The following NOVA2 variants were observed in gnomAD, a reference collection of about 807,000 sequenced individuals.
NOVA2 encodes the protein NOVA alternative splicing regulator 2.
In NOVA2, 9 loss-of-function variants were observed where a neutral mutation model predicts 22.5. The ratio of observed to expected loss-of-function variants is 0.40; its 90% CI spans 0.24 to 0.70. NOVA2 has a LOEUF of 0.70. Ranked by LOEUF, NOVA2 falls within the 30% of genes least tolerant of loss-of-function variation. NOVA2 has a pLI of 0.38. For synonymous variants in NOVA2, 318 were observed against 335.2 expected (o/e 0.95, Z 0.56); for missense variants, 383 against 682.8 (o/e 0.56, Z 4.89).
At chr19:45,958,577 GTGTGAA>G (rs1243477066) in intron 2 of NOVA2, among the ~76,000 whole-genome samples, 1 of 151,514 alleles carries the variant, frequency 6.6e-6, no homozygotes, top group East Asian at 1.9e-4. Context: ...GAGGGTGTGA[GTGTGAA>G]TGAGTGTGTG....
In NOVA2 at chr19:45,955,745, C is replaced by A. The variant is rs144912735; in HGVS notation, c.230-1799G>T. ...TGGTGGCACGCACCTGTAGTCCCAG[C>A]TACACGGGAGGCTGAGACAGGAGAA... On this transcript the variant is annotated intron_variant, in intron 2 of 3. Transcript: ENST00000263257. Among the ~76,000 whole-genome samples, 537 of 152,082 alleles carry A rather than the reference C, an allele frequency of 3.5e-3. 3 individuals are homozygous for A. Among genetic ancestry groups the A allele is most frequent in the Admixed American group, 6.6e-3 (101 of 15,250 alleles).
intron 1 of NOVA2, among the ~76,000 whole-genome samples, chr19:45,965,528 A>T (rs1270298152): frequency 6.6e-6 from 1 of 152,180 alleles, no homozygotes; most frequent in Non-Finnish European, 1.5e-5. Context: ...CATGAGTTCG[A>T]GACCAGCCTG....
chr19:45,950,202 A>C lies in NOVA2; in HGVS notation c.396+3578T>G, dbSNP rs541885097. Among the ~76,000 whole-genome samples the C allele has an allele frequency of 9.5e-5, 14 of 147,886 alleles. No individual in the cohort carries two copies. The South Asian group carries it at 1.9e-3, about 20-fold the overall frequency. On this transcript the variant is annotated intron_variant, in intron 3 of 3. Coordinates refer to ENST00000263257, the MANE Select transcript of NOVA2 (RefSeq NM_002516.4). ...TTTTTACAGTCTTGCTCTGTCACCC[A>C]GGTTGGAGTGCAGTGGCGCGATCTC...
intron 3 of NOVA2, among the ~76,000 whole-genome samples, chr19:45,946,914 G>A (rs376378607): frequency 7.0e-4 from 106 of 151,324 alleles, no homozygotes; most frequent in African/African-American, 2.4e-3. Flanking sequence ...TTGTGTGTGC[G>A]CACGCGCATG....
intron 1 of NOVA2, among the ~76,000 whole-genome samples, chr19:45,963,685 C>T (rs927363841): frequency 6.6e-6 from 1 of 151,934 alleles, no homozygotes; most frequent in Non-Finnish European, 1.5e-5. Flanking sequence ...GTGCCCACCA[C>T]CACGCCCAGC....
rs114854044 is a variant in NOVA2, at chr19:45,946,520, A to G, written c.397-5575T>C. On this transcript the variant is annotated intron_variant, in intron 3 of 3. Coordinates refer to ENST00000263257, the MANE Select transcript of NOVA2 (RefSeq NM_002516.4). The stretch of plus-strand genomic sequence containing the variant: ...TTTTGTTTTTAGGTGTGTTGACAGT[A>G]ATACAATAATGTAGGAGATTGTCCT... 7.5e-3 allele frequency among the ~76,000 whole-genome samples: 1,138 copies of G among 152,324 alleles called. 17 individuals carry two copies. The highest frequency in any genetic ancestry group is 0.026 in the African/African-American group (1,092 of 41,580).
chr19:45,953,752 C>G (rs1205863211), intron 3 of NOVA2, 28 bp downstream of exon 3: 3 of 1,613,626 alleles, frequency 1.9e-6, no homozygotes, highest in Non-Finnish European at 1.7e-6. Flanking sequence ...AACAGCTTTA[C>G]AGCAACCCAG....
At chr19:45,942,116 T>C (rs1568661448) in intron 3 of NOVA2, among the ~76,000 whole-genome samples, 2 of 152,198 alleles carry the variant, frequency 1.3e-5, no homozygotes, top group African/African-American at 2.4e-5. Context: ...TCCATTGTGC[T>C]CCCCTAGACA....
chr19:45,964,509 A>G (rs1416206835), intron 1 of NOVA2, among the ~76,000 whole-genome samples: 1 of 151,454 alleles, frequency 6.6e-6, no homozygotes, highest in Non-Finnish European at 1.5e-5. Flanking sequence ...TGTCTCACGT[A>G]AAACCTCAAC....
intron 3 of NOVA2, among the ~76,000 whole-genome samples, 181 bp from the exon 4 acceptor site, chr19:45,941,126 G>A (rs911381355): frequency 6.6e-6 from 1 of 151,772 alleles, no homozygotes; most frequent in Non-Finnish European, 1.5e-5. Flanking sequence ...TCCGTCTCTA[G>A]TAAAAATCCA....
intron 1 of NOVA2, among the ~76,000 whole-genome samples, chr19:45,972,282 C>T (rs1376698989): frequency 6.6e-6 from 1 of 152,068 alleles, no homozygotes; most frequent in Non-Finnish European, 1.5e-5. Flanking sequence ...CACTGTTGCA[C>T]ACCTCCATGT....
At position 45,946,219 on chromosome 19, in the gene NOVA2, T is replaced by A. The variant is rs373696755; in HGVS notation, c.397-5274A>T. Among the ~76,000 whole-genome samples, 5 of 152,178 alleles carry A rather than the reference T, an allele frequency of 3.3e-5. No homozygotes were observed. In the East Asian group the frequency reaches 9.6e-4, roughly 29 times the overall value. On this transcript the variant is annotated intron_variant, in intron 3 of 3. Coordinates refer to ENST00000263257, the MANE Select transcript of NOVA2 (RefSeq NM_002516.4). ...TGGGAGTCTGAGAAGGGAGGATGGC[T>A]TGAGCCCAAGAGGTGGAGGTTGAAG...
rs758982163 is a variant in NOVA2 at position 45,953,888 on chromosome 19, G to C, written c.288C>G (p.His96Gln). ...QGTAEALNAV[H>Q]SFIAEKVREI... The stretch of plus-strand genomic sequence containing the variant: ...CTCGGACCTTCTCGGCAATAAAGCT[G>C]TGCACAGCATTCAAGGCCTCTGCCG... The change falls in exon 3 of 4, where the codon CAC becomes CAG. Residue 96 changes from histidine to glutamine, a missense_variant. Around this residue, in one of 2 missense-constraint regions of NOVA2, gnomAD observed 349 missense variants for 578.1 expected, o/e 0.60. Coordinates refer to ENST00000263257, the MANE Select transcript of NOVA2 (RefSeq NM_002516.4). The C allele has an allele frequency of 1.9e-6, 3 of 1,614,182 alleles. No individual in the cohort carries two copies. The Admixed American group carries it at 5.0e-5, about 27-fold the overall frequency.
intron 1 of NOVA2, among the ~76,000 whole-genome samples, chr19:45,968,326 G>T (rs1407150543): frequency 6.6e-6 from 1 of 152,020 alleles, no homozygotes; most frequent in Non-Finnish European, 1.5e-5. Context: ...GAGAGGGTGT[G>T]GGGTGGGAGC....
chr19:45,950,935 G>T (rs1322330008), intron 3 of NOVA2, among the ~76,000 whole-genome samples: 2 of 152,158 alleles, frequency 1.3e-5, no homozygotes, highest in Admixed American at 1.3e-4. Flanking sequence ...TCTTTCACAG[G>T]TAATGAGCAG....
rs1967650525 is a variant in NOVA2 at position 45,936,227 on chromosome 19, G to T, written c.*3636C>A. On this transcript the variant is annotated 3_prime_UTR_variant, in exon 4 of 4. Coordinates refer to ENST00000263257, the MANE Select transcript of NOVA2 (RefSeq NM_002516.4). ...GGTACCGCCCCTTGGGCTAGCAGAGGAGGAGTTGAGCTTGTCTCCTCCTCC... is the reference window on the plus strand; with the variant it reads ...GGTACCGCCCCTTGGGCTAGCAGAGTAGGAGTTGAGCTTGTCTCCTCCTCC... 6.6e-6 allele frequency: 1 copy of T among 152,244 alleles called. No individual in the cohort carries two copies. Among genetic ancestry groups the T allele is most frequent in the Non-Finnish European group, 1.5e-5 (1 of 68,050 alleles). 9.4% of individuals were successfully genotyped at this position (152,244 alleles called of 1,614,324 possible).
At chr19:45,948,526 G>T (rs1283777077) in intron 3 of NOVA2, among the ~76,000 whole-genome samples, 1 of 151,594 alleles carries the variant, frequency 6.6e-6, no homozygotes, top group Non-Finnish European at 1.5e-5. Flanking sequence ...CGTGAACCCG[G>T]GAGGGGGAGC....
chr19:45,942,287 C>A (rs1281823690), intron 3 of NOVA2, among the ~76,000 whole-genome samples: 2 of 151,964 alleles, frequency 1.3e-5, no homozygotes, highest in African/African-American at 4.8e-5. Flanking sequence ...TAGGGCGGGC[C>A]CTAATTTACT....
At chr19:45,958,650 T>C (rs995857724) in intron 2 of NOVA2, among the ~76,000 whole-genome samples, 1 of 151,908 alleles carries the variant, frequency 6.6e-6, no homozygotes, top group African/African-American at 2.4e-5. Flanking sequence ...AGACTGTGTG[T>C]GAGTGTGCAT....
Sources: gnomAD v4.1 joint callset for allele counts (sites outside exome capture counted in the v4.1 genomes callset) on GRCh38, gnomAD v4.1.1 for gene constraint, gnomAD v4.1.1 regional missense constraint, MANE v1.5 for transcripts, NCBI Gene and HGNC (gene_info 2026-07-23, HGNC 2026-07-21) for gene names.